KCNMA1: variants seen among roughly 807,000 people sequenced by gnomAD.
KCNMA1 encodes Calcium-activated potassium channel subunit alpha-1.
In KCNMA1, 29 loss-of-function variants were observed where a neutral mutation model predicts 140.0. The observed-to-expected ratio is 0.21, with a 90% CI of 0.15 to 0.28. KCNMA1 has a LOEUF of 0.28. KCNMA1 is among the 10% of genes least tolerant of loss of function. The pLI is 1.00. For missense variants in KCNMA1, 880 were observed against 1,602.2 expected, an observed-to-expected ratio of 0.55 and a Z score of 7.70; for synonymous variants, 612 against 611.9, an observed-to-expected ratio of 1.00 and a Z score of 0.00.
At chr10:76,921,680 G>A (rs1304829213) in intron 23 of KCNMA1, among the ~76,000 whole-genome samples, 1 of 152,182 alleles carries the variant, frequency 6.6e-6, no homozygotes, top group Non-Finnish European at 1.5e-5. Flanking sequence ...GTATTCCAAC[G>A]AATGCTTCAG....
intron 1 of KCNMA1, among the ~76,000 whole-genome samples, chr10:77,555,980 G>A (rs747814372): frequency 3.9e-5 from 6 of 152,200 alleles, no homozygotes; most frequent in Non-Finnish European, 8.8e-5. Flanking sequence ...ATTGCAAAAT[G>A]TGGGTTTTCA....
intron 18 of KCNMA1, chr10:77,008,296 T>C: frequency 1.6e-6 from 2 of 1,229,084 alleles, no homozygotes; most frequent in Non-Finnish European, 2.3e-6. Context: ...CAAAGAAAAT[T>C]CCTTCAAACA....
At chr10:77,228,779 T>C (rs1391795832) in intron 3 of KCNMA1, among the ~76,000 whole-genome samples, 1 of 152,184 alleles carries the variant, frequency 6.6e-6, no homozygotes. Flanking sequence ...CCACATTCAG[T>C]GAACAGAAAT....
chr10:77,015,200 C>T (rs1424575159), intron 17 of KCNMA1, among the ~76,000 whole-genome samples: 2 of 152,134 alleles, frequency 1.3e-5, no homozygotes, highest in Non-Finnish European at 1.5e-5. Context: ...GGTTTCCTGG[C>T]CTGCGTGTCC....
chr10:77,103,812 C>A (rs956811126), intron 9 of KCNMA1, among the ~76,000 whole-genome samples: 1 of 152,176 alleles, frequency 6.6e-6, no homozygotes, highest in Non-Finnish European at 1.5e-5. Context: ...GGGCCAGGAC[C>A]CTTAGGGGTA....
At chr10:77,244,990 C>G (rs1405179827) in intron 3 of KCNMA1, among the ~76,000 whole-genome samples, 1 of 152,038 alleles carries the variant, frequency 6.6e-6, no homozygotes. Flanking sequence ...TGCCCTTGAA[C>G]TTTCCCTACC....
chr10:77,205,816 C>A, intron 3 of KCNMA1, among the ~76,000 whole-genome samples: 1 of 152,200 alleles, frequency 6.6e-6, no homozygotes, highest in East Asian at 1.9e-4. Context: ...AAAATCAGGA[C>A]GACTTTTTAA....
intron 1 of KCNMA1, among the ~76,000 whole-genome samples, chr10:77,609,933 T>C (rs566982600): frequency 6.6e-6 from 1 of 152,252 alleles, no homozygotes; most frequent in African/African-American, 2.4e-5. Flanking sequence ...AAGTAAAAGA[T>C]GTCTGTGTGG....
chr10:76,992,699 A>G (rs1161909630), intron 19 of KCNMA1, among the ~76,000 whole-genome samples: 1 of 152,216 alleles, frequency 6.6e-6, no homozygotes, highest in Non-Finnish European at 1.5e-5. Flanking sequence ...CCTGAGGTCA[A>G]TGGTGTACAC....
At chr10:77,246,558 A>T (rs962067676) in intron 3 of KCNMA1, among the ~76,000 whole-genome samples, 12 of 152,234 alleles carry the variant, frequency 7.9e-5, no homozygotes, top group African/African-American at 2.2e-4. Context: ...AGCTCTGGAC[A>T]TCCCCAATAC....
intron 1 of KCNMA1, among the ~76,000 whole-genome samples, chr10:77,626,314 G>T (rs1460254664): frequency 2.0e-5 from 3 of 152,068 alleles, no homozygotes; most frequent in Non-Finnish European, 4.4e-5. Context: ...CACCTGATCG[G>T]CTGTGGCTGC....
At chr10:77,361,352 T>G (rs762912762) in intron 2 of KCNMA1, among the ~76,000 whole-genome samples, 5 of 152,136 alleles carry the variant, frequency 3.3e-5, no homozygotes, top group Non-Finnish European at 5.9e-5. Flanking sequence ...AATGAGAAGG[T>G]AAGGCCTAAA....
chr10:76,976,185 A>T (rs1295040384), intron 19 of KCNMA1, among the ~76,000 whole-genome samples: 1 of 152,232 alleles, frequency 6.6e-6, no homozygotes, highest in East Asian at 1.9e-4. Context: ...TAGGACAGGC[A>T]TAGGGAGTGC....
chr10:77,233,556 C>T (rs766635071), intron 3 of KCNMA1, among the ~76,000 whole-genome samples: 32 of 152,196 alleles, frequency 2.1e-4, no homozygotes, highest in Non-Finnish European at 3.5e-4. Context: ...AACTGTTTAT[C>T]GTGAATGCAG....
intron 20 of KCNMA1, among the ~76,000 whole-genome samples, chr10:76,961,616 G>C (rs1386617958): frequency 6.6e-6 from 1 of 152,126 alleles, no homozygotes; most frequent in African/African-American, 2.4e-5. Context: ...TTTGTCAAAG[G>C]AAGAGTCAGT....
chr10:77,506,596 A>AGAGAGAGAGAGAGAGAGTGTGTGT, intron 1 of KCNMA1, among the ~76,000 whole-genome samples: 3 of 83,570 alleles, frequency 3.6e-5, no homozygotes, highest in African/African-American at 2.2e-4. Flanking sequence ...AGAGAGAGAG[A>AGAGAGAGAGAGAGAGAGTGTGTGT]GTGTGTGTGT....
intron 5 of KCNMA1, among the ~76,000 whole-genome samples, chr10:77,178,288 T>G (rs1335844029): frequency 6.6e-6 from 1 of 152,170 alleles, no homozygotes; most frequent in African/African-American, 2.4e-5. Flanking sequence ...CCGGCATGTG[T>G]TCCTCTCATC....
chr10:77,566,322 G>A (rs180945701), intron 1 of KCNMA1, among the ~76,000 whole-genome samples: 33 of 152,294 alleles, frequency 2.2e-4, no homozygotes, highest in African/African-American at 7.5e-4. Context: ...CCTGCTCGGG[G>A]CACCACCTGA....
intron 1 of KCNMA1, among the ~76,000 whole-genome samples, chr10:77,610,055 C>T (rs1300219273): frequency 1.3e-5 from 2 of 152,242 alleles, no homozygotes; most frequent in African/African-American, 4.8e-5. Context: ...TCCCACCCTG[C>T]ACCAGCTGCT....
Sources: gnomAD v4.1 joint callset for allele counts (sites outside exome capture counted in the v4.1 genomes callset) on GRCh38, gnomAD v4.1.1 for gene constraint, MANE v1.5 for transcripts, NCBI Gene and HGNC (gene_info 2026-07-23, HGNC 2026-07-21) for gene names.